Variants in NEB observed in about 807,000 individuals in gnomAD.
NEB encodes the protein nebulin, also known as nemaline myopathy type 2.
In NEB, 512 loss-of-function variants were observed where a neutral mutation model predicts 952.2. That is an observed-to-expected ratio of 0.54 (90% CI 0.50 to 0.58). The LOEUF is 0.58. Among genes scored for constraint, NEB ranks in the 20% least tolerant of loss-of-function variants. The pLI is 0.00. For missense variants in NEB, 8,428 were observed against 9,231.1 expected (o/e 0.91, Z 3.56); for synonymous variants, 2,900 against 3,149.8 (o/e 0.92, Z 2.66).
intron 124 of NEB, among the ~76,000 whole-genome samples, chr2:151,555,690 G>A (rs2095605855): frequency 6.6e-6 from 1 of 152,006 alleles, no homozygotes; most frequent in Admixed American, 6.6e-5. Context: ...AAAACTCAGC[G>A]ATTTGCACCT....
Position 151,563,822 on chromosome 2 carries a change from C to T in NEB, c.18579+1G>A. 1 of 1,613,294 alleles carries T rather than the reference C, an allele frequency of 6.2e-7. No individual in the cohort carries two copies. Among genetic ancestry groups the T allele is most frequent in the Non-Finnish European group, 8.5e-7 (1 of 1,179,442 alleles). ...TTAGGAGAGGAAAAGGTCATACTGA[C>T]CTCACTGTTCACCAGATCAGCATGC... On this transcript the variant is annotated splice_donor_variant, in intron 118 of 181. Coordinates refer to ENST00000397345, the MANE Select transcript of NEB (RefSeq NM_001164508.2). LOFTEE classifies it high-confidence loss of function.
chr2:151,576,706 A>AT (rs930909628), intron 105 of NEB, among the ~76,000 whole-genome samples: 7 of 149,688 alleles, frequency 4.7e-5, no homozygotes, highest in Admixed American at 1.3e-4. Flanking sequence ...TAATTTTTGT[A>AT]TTTTTTTTAG....
chr2:151,506,883 A>G, intron 163 of NEB, 26 bp downstream of exon 163: 1 of 1,448,174 alleles, frequency 6.9e-7, no homozygotes, highest in Non-Finnish European at 9.7e-7. Context: ...GGTTAGCATT[A>G]AATGCAAAAT....
At chr2:151,577,361 T>C (rs1205122923) in intron 105 of NEB, among the ~76,000 whole-genome samples, 2 of 152,180 alleles carry the variant, frequency 1.3e-5, no homozygotes, top group African/African-American at 4.8e-5. Context: ...CAGCCCTCTT[T>C]GCACATGTTG....
At chr2:151,641,544 T>C (rs923907102) in intron 60 of NEB, among the ~76,000 whole-genome samples, 2 of 152,198 alleles carry the variant, frequency 1.3e-5, no homozygotes, top group Admixed American at 1.3e-4. Flanking sequence ...TTGACCAGGC[T>C]GGTCTCAAAC....
chr2:151,508,160 G>C (rs963474737), intron 161 of NEB, 51 bp from the exon 162 acceptor site: 6 of 1,276,532 alleles, frequency 4.7e-6, no homozygotes, highest in Non-Finnish European at 6.7e-6. Context: ...AGGGATATAG[G>C]CCAATGGGAC....
At chr2:151,659,612 T>C (rs113722243) in intron 46 of NEB, among the ~76,000 whole-genome samples, 10 of 152,184 alleles carry the variant, frequency 6.6e-5, no homozygotes, top group Non-Finnish European at 1.2e-4. Flanking sequence ...AAAAAAATTT[T>C]AATGGAAAAG....
chr2:151,717,010 C>T (rs1260960325), intron 10 of NEB, among the ~76,000 whole-genome samples: 1 of 152,332 alleles, frequency 6.6e-6, no homozygotes, highest in East Asian at 1.9e-4. Flanking sequence ...ATGTCTGAGA[C>T]ACATTCTTAT....
chr2:151,694,500 C>A, intron 19 of NEB, 22 bp downstream of exon 19: 1 of 1,613,672 alleles, frequency 6.2e-7, no homozygotes, highest in East Asian at 2.2e-5. Flanking sequence ...CCAGCCTGTC[C>A]AGGTCCCCAG....
At chr2:151,681,972 T>C (rs539238376) in intron 29 of NEB, among the ~76,000 whole-genome samples, 20 of 152,360 alleles carry the variant, frequency 1.3e-4, no homozygotes, top group African/African-American at 4.3e-4. Flanking sequence ...GTGTGTATTA[T>C]GCTGGGGCAA....
chr2:151,630,524 A>G (rs181540796), intron 67 of NEB, among the ~76,000 whole-genome samples, 191 bp downstream of exon 67: 16 of 152,358 alleles, frequency 1.1e-4, no homozygotes, highest in African/African-American at 3.1e-4. Context: ...CGAACAGAAA[A>G]GACATTGTGA....
At chr2:151,650,526 A>G in intron 53 of NEB, 48 bp downstream of exon 53, 1 of 1,502,338 alleles carries the variant, frequency 6.7e-7, no homozygotes. Flanking sequence ...AGCTACTCAT[A>G]TAAAATATGA....
Position 151,684,947 on chromosome 2 carries a change from G to A in NEB, c.2666C>T (p.Ser889Leu), listed in dbSNP as rs1351330854. Residue 889 changes from serine (S) to leucine (L), a missense_variant, in exon 28 of 182, where the codon TCA (serine) becomes TTA (leucine). Physicochemically the swap from Ser to Leu is moderately radical, Grantham distance 145. Coordinates refer to ENST00000397345, the MANE Select transcript of NEB (RefSeq NM_001164508.2). ...DREYRKDYEK[S>L]KTIYTAPLDM... ...AAGAGGTGCCGTGTAGATAGTTTTT[G>A]ACTTTTCATAATCTTTTCGATATTC... 2 of 1,611,102 alleles carry A rather than the reference G, an allele frequency of 1.2e-6. No homozygotes were observed. Among genetic ancestry groups the A allele is most frequent in the Admixed American group, 1.7e-5 (1 of 59,602 alleles).
chr2:151,632,415 C>T (rs1407285876), intron 65 of NEB, among the ~76,000 whole-genome samples: 1 of 151,778 alleles, frequency 6.6e-6, no homozygotes, highest in Non-Finnish European at 1.5e-5. Context: ...GGGGTCCACG[C>T]CTGTAATTCC....
chr2:151,726,064 C>A (rs973988106), intron 5 of NEB, among the ~76,000 whole-genome samples: 1 of 152,130 alleles, frequency 6.6e-6, no homozygotes, highest in African/African-American at 2.4e-5. Flanking sequence ...CTGCTGAATA[C>A]ACAATGAATT....
At chr2:151,496,829 A>AAAG (rs2060538381) in intron 172 of NEB, 112 bp downstream of exon 172, 2 of 1,268,308 alleles carry the variant, frequency 1.6e-6, no homozygotes, top group South Asian at 1.4e-5. Flanking sequence ...TTTGCTAAAG[A>AAAG]AAGAAGTTCA....
intron 12 of NEB, among the ~76,000 whole-genome samples, chr2:151,707,818 G>T (rs1302079772): frequency 6.6e-6 from 1 of 152,090 alleles, no homozygotes; most frequent in East Asian, 1.9e-4. Context: ...AATCAGCTTG[G>T]TATCCAAAGG....
intron 124 of NEB, among the ~76,000 whole-genome samples, chr2:151,557,834 A>T (rs2095765485): frequency 6.6e-6 from 1 of 152,076 alleles, no homozygotes; most frequent in Admixed American, 6.6e-5. Flanking sequence ...CATGCTAAAA[A>T]CTCTCAATAA....
intron 156 of NEB, among the ~76,000 whole-genome samples, chr2:151,517,709 G>A (rs1345820452): frequency 6.6e-6 from 1 of 152,092 alleles, no homozygotes; most frequent in Non-Finnish European, 1.5e-5. Context: ...AAATCTGTAG[G>A]CACTTGTAAC....
Sources: allele counts gnomAD v4.1 joint callset (sites outside exome capture counted in the v4.1 genomes callset), GRCh38; gene constraint gnomAD v4.1.1; transcripts MANE v1.5; gene names NCBI Gene and HGNC (gene_info 2026-07-23, HGNC 2026-07-21).